Variants in CDH12 observed in about 807,000 individuals in gnomAD.
CDH12 encodes the protein cadherin 12, also known as cadherin-12.
A neutral mutation model predicts 74.1 loss-of-function variants in CDH12; 41 were observed. That is an observed-to-expected ratio of 0.55 (90% confidence interval 0.43 to 0.72). The LOEUF (loss-of-function observed/expected upper bound fraction) is 0.72. Among genes scored for constraint, CDH12 ranks in the 30% least tolerant of loss-of-function variants. The pLI, the probability that CDH12 is intolerant of heterozygous loss-of-function variation, is 0.00. For synonymous variants in CDH12, 399 were observed against 355.0 expected, an observed-to-expected ratio of 1.12 and a Z score of -1.39; for missense variants, 945 against 977.2, an observed-to-expected ratio of 0.97 and a Z score of 0.44.
chr5:22,753,330 G>A (rs975238103), intron 1 of CDH12, among the ~76,000 whole-genome samples: 1 of 151,192 alleles, frequency 6.6e-6, no homozygotes, highest in East Asian at 2.0e-4. Flanking sequence ...CCAGCTACTC[G>A]GGAGGCTGAG....
At chr5:22,086,028 T>C (rs1338434444) in intron 4 of CDH12, among the ~76,000 whole-genome samples, 1 of 152,180 alleles carries the variant, frequency 6.6e-6, no homozygotes, top group Non-Finnish European at 1.5e-5. Context: ...ACATCCCTAA[T>C]GCAGCTTTTT....
chr5:22,057,153 C>T (rs1740798392), intron 5 of CDH12, among the ~76,000 whole-genome samples: 1 of 152,200 alleles, frequency 6.6e-6, no homozygotes, highest in Non-Finnish European at 1.5e-5. Flanking sequence ...AACTACTCAA[C>T]TTCACCATTG....
intron 1 of CDH12, among the ~76,000 whole-genome samples, chr5:22,784,324 C>T (rs1747523914): frequency 6.6e-6 from 1 of 151,986 alleles, no homozygotes; most frequent in South Asian, 2.1e-4. Flanking sequence ...TAGAGTAAAC[C>T]TCTGTCCTGA....
rs375729223 is a variant in CDH12, at chr5:22,428,115, GC to G, written c.-427-22765del. On this transcript the variant is annotated intron_variant, in intron 2 of 14. Coordinates refer to ENST00000382254, the MANE Select transcript of CDH12 (RefSeq NM_004061.5). Reference sequence around the variant, plus strand: ...CTCCATGTATAACAGCTTTCTTTGAGCCCAATTCTGAAAGGAAATATTCTAT... The same window carrying G: ...CTCCATGTATAACAGCTTTCTTTGAGCCAATTCTGAAAGGAAATATTCTAT... Among the ~76,000 whole-genome samples the G allele has an allele frequency of 3.1e-3, 465 of 151,974 alleles. 1 individual carries two copies. The highest frequency in any genetic ancestry group is 0.011 in the African/African-American group (437 of 41,434).
At chr5:22,565,317 T>C (rs1252082138) in intron 1 of CDH12, among the ~76,000 whole-genome samples, 1 of 152,186 alleles carries the variant, frequency 6.6e-6, no homozygotes, top group East Asian at 1.9e-4. Flanking sequence ...TTGAGGAATC[T>C]CCATAGTCTT....
In CDH12 at chr5:22,770,121, T is replaced by A. The variant is rs1442472; in HGVS notation, c.-523+82937A>T. 3.7e-3 allele frequency among the ~76,000 whole-genome samples: 557 copies of A among 151,258 alleles called. 2 individuals are homozygous for A. The highest frequency in any genetic ancestry group is 0.012 in the African/African-American group (510 of 41,226). On this transcript the variant is annotated intron_variant, in intron 1 of 14. Coordinates refer to ENST00000382254, the MANE Select transcript of CDH12 (RefSeq NM_004061.5). ...TATTCACATGTCCCCAGGCGTGAACTTTTAAAGCATCCCATTCTTACACCT... is the reference window on the plus strand; with the variant it reads ...TATTCACATGTCCCCAGGCGTGAACATTTAAAGCATCCCATTCTTACACCT...
intron 10 of CDH12, among the ~76,000 whole-genome samples, chr5:21,790,369 C>G (rs1746422903): frequency 6.6e-6 from 1 of 151,998 alleles, no homozygotes; most frequent in Non-Finnish European, 1.5e-5. Context: ...CACTAGGATC[C>G]AATATCTTGC....
intron 7 of CDH12, among the ~76,000 whole-genome samples, chr5:21,844,578 T>C (rs557929480): frequency 1.3e-5 from 2 of 152,208 alleles, no homozygotes; most frequent in Admixed American, 6.5e-5. Flanking sequence ...AGAAACAGGG[T>C]AGAGCAGGAG....
At chr5:22,627,015 A>C (rs1194431622) in intron 1 of CDH12, among the ~76,000 whole-genome samples, 2 of 152,208 alleles carry the variant, frequency 1.3e-5, no homozygotes, top group African/African-American at 4.8e-5. Flanking sequence ...GAGCTTAGAC[A>C]CTGGTTGTCC....
intron 1 of CDH12, among the ~76,000 whole-genome samples, chr5:22,547,583 A>G (rs1365420638): frequency 6.6e-6 from 1 of 152,172 alleles, no homozygotes; most frequent in East Asian, 1.9e-4. Flanking sequence ...TTTTAGATAA[A>G]ATTAAAATGT....
In CDH12 at chr5:22,343,461, AGGCTGGAGTGCAGTGGCGCGATCTT is replaced by A. The variant is rs1321434281; in HGVS notation, c.-333+61771_-333+61795del. Among the ~76,000 whole-genome samples, 9 of 152,270 alleles carry A rather than the reference AGGCTGGAGTGCAGTGGCGCGATCTT, an allele frequency of 5.9e-5. 1 individual carries two copies. The East Asian group carries it at 1.6e-3, about 26-fold the overall frequency. On this transcript the variant is annotated intron_variant, in intron 3 of 14. Coordinates refer to ENST00000382254, the MANE Select transcript of CDH12 (RefSeq NM_004061.5). ...GAGACGGAGTCTCGCTCTGTCACTC[AGGCTGGAGTGCAGTGGCGCGATCTT>A]GGCTCACTGCAAGCTCTGCCTCCCG...
At chr5:22,806,504 C>A (rs1333500101) in intron 1 of CDH12, among the ~76,000 whole-genome samples, 2 of 151,980 alleles carry the variant, frequency 1.3e-5, no homozygotes, top group East Asian at 3.9e-4. Flanking sequence ...AGGCGCCCGC[C>A]ATCACGCCCG....
At chr5:22,330,944 G>T (rs1480533716) in intron 3 of CDH12, among the ~76,000 whole-genome samples, 1 of 151,938 alleles carries the variant, frequency 6.6e-6, no homozygotes, top group African/African-American at 2.4e-5. Flanking sequence ...TGAGTCCCAG[G>T]CTGGGCAGCA....
At chr5:22,291,400 T>G (rs1373219015) in intron 3 of CDH12, among the ~76,000 whole-genome samples, 1 of 152,106 alleles carries the variant, frequency 6.6e-6, no homozygotes, top group Non-Finnish European at 1.5e-5. Context: ...TGCATCCAAA[T>G]TACAAAGGAA....
intron 4 of CDH12, among the ~76,000 whole-genome samples, chr5:22,158,055 T>C (rs1329797593): frequency 6.6e-6 from 1 of 152,084 alleles, no homozygotes; most frequent in African/African-American, 2.4e-5. Context: ...GAGGTCCTCA[T>C]ATATAAAATA....
intron 1 of CDH12, among the ~76,000 whole-genome samples, chr5:22,536,777 A>C (rs149578615): frequency 5.3e-4 from 81 of 152,254 alleles, no homozygotes; most frequent in Non-Finnish European, 7.9e-4. Flanking sequence ...TTTTTTGTTT[A>C]TTTATATTGC....
chr5:22,465,467 GA>G (rs1745690094), intron 2 of CDH12, among the ~76,000 whole-genome samples: 1 of 152,100 alleles, frequency 6.6e-6, no homozygotes, highest in Admixed American at 6.5e-5. Context: ...GTAACATAGG[GA>G]GAACCCATCT....
At chr5:22,221,888 G>T (rs1299474644) in intron 3 of CDH12, among the ~76,000 whole-genome samples, 4 of 151,922 alleles carry the variant, frequency 2.6e-5, no homozygotes, top group Non-Finnish European at 5.9e-5. Flanking sequence ...CCTGTAAAGT[G>T]ATTTCCTACA....
At chr5:21,767,875 C>T (rs2149879465) in intron 11 of CDH12, among the ~76,000 whole-genome samples, 2 of 151,712 alleles carry the variant, frequency 1.3e-5, no homozygotes, top group Middle Eastern at 6.8e-3. Context: ...GAAATTTTCA[C>T]AAGAATGAAT....
Sources: gnomAD v4.1 joint callset for allele counts (sites outside exome capture counted in the v4.1 genomes callset) on GRCh38, gnomAD v4.1.1 for gene constraint, MANE v1.5 for transcripts, NCBI Gene and HGNC (gene_info 2026-07-23, HGNC 2026-07-21) for gene names.